YTHDC2: variants seen among roughly 807,000 people sequenced by gnomAD.
YTHDC2 encodes 3'-5' RNA helicase YTHDC2.
In YTHDC2, 45 loss-of-function variants were observed where a neutral mutation model predicts 174.9. The observed-to-expected ratio is 0.26, with a 90% CI of 0.20 to 0.33. The LOEUF (loss-of-function observed/expected upper bound fraction) is 0.33. Ranked by LOEUF, YTHDC2 falls within the 10% of genes least tolerant of loss-of-function variation. YTHDC2 has a pLI of 1.00. For synonymous variants in YTHDC2, 657 were observed against 574.5 expected (o/e 1.14, Z -2.05); for missense variants, 1,650 against 1,723.7 (o/e 0.96, Z 0.76).
intron 20 of YTHDC2, 105 bp downstream of exon 20, chr5:113,564,236 A>C (rs1223515399): frequency 3.1e-6 from 4 of 1,280,052 alleles, no homozygotes; most frequent in Non-Finnish European, 4.1e-6. Flanking sequence ...AAATTGCATT[A>C]ATTTTGTTTC....
chr5:113,560,970 A>T (rs1357864251), intron 17 of YTHDC2, 110 bp from the exon 18 acceptor site: 1 of 855,176 alleles, frequency 1.2e-6, no homozygotes, highest in Non-Finnish European at 1.7e-6. Context: ...ATTTAAACTC[A>T]GGTATCCTGA....
intron 1 of YTHDC2, among the ~76,000 whole-genome samples, chr5:113,514,617 C>A (rs1252646508): frequency 1.3e-5 from 2 of 152,142 alleles, no homozygotes; most frequent in Non-Finnish European, 2.9e-5. Context: ...GCAGAACCAG[C>A]AACTGACCTG....
intron 10 of YTHDC2, 27 bp downstream of exon 10, chr5:113,542,530 T>C (rs768197399): frequency 8.9e-6 from 14 of 1,579,148 alleles, no homozygotes; most frequent in Admixed American, 1.8e-5. Context: ...TTTAAAAAAT[T>C]ACCCTTACAG....
intron 23 of YTHDC2, among the ~76,000 whole-genome samples, chr5:113,569,156 G>A (rs149394699): frequency 1.7e-3 from 254 of 152,226 alleles, no homozygotes; most frequent in Non-Finnish European, 2.9e-3. Flanking sequence ...CTTTTGAAAA[G>A]TGTCTGTTCG....
At chr5:113,529,702 A>G (rs1045374375) in intron 4 of YTHDC2, among the ~76,000 whole-genome samples, 1 of 151,748 alleles carries the variant, frequency 6.6e-6, no homozygotes, top group African/African-American at 2.4e-5. Context: ...TTAATTTTTG[A>G]TTTATTTTTT....
chr5:113,560,983 C>G, intron 17 of YTHDC2, 97 bp from the exon 18 acceptor site: 1 of 1,028,926 alleles, frequency 9.7e-7, no homozygotes, highest in East Asian at 2.7e-5. Flanking sequence ...TATCCTGATC[C>G]TGGATCATTT....
chr5:113,541,139 CT>C (rs1441201028), intron 9 of YTHDC2, 23 bp downstream of exon 9: 10 of 1,612,692 alleles, frequency 6.2e-6, no homozygotes, highest in Non-Finnish European at 7.6e-6. Flanking sequence ...TGGTTTCCCA[CT>C]CATATTTTGT....
At chr5:113,541,601 C>T (rs560149912) in intron 9 of YTHDC2, among the ~76,000 whole-genome samples, 1 of 152,060 alleles carries the variant, frequency 6.6e-6, no homozygotes, top group Admixed American at 6.5e-5. Context: ...ATAATTTACC[C>T]TTTTTTTGAG....
At chr5:113,579,764 T>A (rs1778285380) in intron 24 of YTHDC2, 69 bp downstream of exon 24, 2 of 1,409,664 alleles carry the variant, frequency 1.4e-6, no homozygotes, top group South Asian at 1.7e-5. Context: ...TATAATATGA[T>A]AAAATTTTTT....
At chr5:113,552,049 A>G (rs1776283558) in intron 12 of YTHDC2, among the ~76,000 whole-genome samples, 1 of 152,140 alleles carries the variant, frequency 6.6e-6, no homozygotes, top group African/African-American at 2.4e-5. Flanking sequence ...TTAAGTTGGT[A>G]CCTACTGAGT....
chr5:113,531,155 A>G (rs1000914002), intron 4 of YTHDC2, among the ~76,000 whole-genome samples: 3 of 152,068 alleles, frequency 2.0e-5, no homozygotes, highest in African/African-American at 7.2e-5. Context: ...TGATACACTT[A>G]TCTTCTCTTT....
intron 24 of YTHDC2, among the ~76,000 whole-genome samples, chr5:113,581,075 T>C (rs1018899610): frequency 1.3e-5 from 2 of 152,180 alleles, no homozygotes; most frequent in African/African-American, 4.8e-5. Context: ...CTTCAGGACA[T>C]GATCATTTGG....
rs34053583 is a variant in YTHDC2, at chr5:113,553,157, C to CTTTTTTTTT, written c.1689-12_1689-4dup. 15 of 1,098,482 alleles carry CTTTTTTTTT rather than the reference C, an allele frequency of 1.4e-5. 1 individual carries two copies. Among genetic ancestry groups the CTTTTTTTTT allele is most frequent in the African/African-American group, 8.0e-5 (4 of 50,042 alleles). 68.0% of individuals were successfully genotyped at this position (1,098,482 alleles called of 1,614,324 possible). On this transcript the variant is annotated intron_variant, in intron 12 of 29. Transcript: ENST00000161863. ...TTTTGTTAATGGAAATTGACTTTGTCTTTTTTTTTTTTTTTTTTTTCAGTG... is the reference window on the plus strand; with the variant it reads ...TTTTGTTAATGGAAATTGACTTTGTCTTTTTTTTTTTTTTTTTTTTTTTTTTTTTCAGTG...
chr5:113,564,029 A>G lies in YTHDC2; in HGVS notation c.2613A>G (p.Val871=). Residue 871 remains valine (V), a synonymous_variant, in exon 20 of 30, where the codon GTA becomes GTG. Transcript: ENST00000161863. ...CACTAGCTTATCGAGATCCTTTTGT[A>G]CTACCTACTCAGGCCTCTCAAAAAC... The part of the protein sequence containing the change: ...ACTLAYRDPF[V]LPTQASQKRA... 6.2e-7 allele frequency: 1 copy of G among 1,614,112 alleles called. No individual in the cohort carries two copies. The highest frequency in any genetic ancestry group is 8.5e-7 in the Non-Finnish European group (1 of 1,180,018).
intron 17 of YTHDC2, among the ~76,000 whole-genome samples, chr5:113,557,395 C>T (rs917156637): frequency 1.2e-4 from 18 of 152,186 alleles, no homozygotes; most frequent in African/African-American, 3.9e-4. Flanking sequence ...TTTGTAACTT[C>T]ATAGAATGCC....
At chr5:113,549,131 A>ATT in intron 12 of YTHDC2, 111 bp downstream of exon 12, 1 of 897,574 alleles carries the variant, frequency 1.1e-6, no homozygotes, top group Non-Finnish European at 1.6e-6. Context: ...TTATCCAGAG[A>ATT]TTTTTTTTTG....
intron 10 of YTHDC2, among the ~76,000 whole-genome samples, chr5:113,543,636 C>G (rs1313169547): frequency 6.6e-6 from 1 of 152,216 alleles, no homozygotes; most frequent in African/African-American, 2.4e-5. Flanking sequence ...CTTGCTTGTT[C>G]TCAACTCTCG....
In YTHDC2 at chr5:113,553,377, A is replaced by G. The variant is rs766087604; in HGVS notation, c.1867+18A>G. On this transcript the variant is annotated intron_variant, in intron 13 of 29. Transcript: ENST00000161863. ...TGATGCTGGTAAATACGTGTTGTCT[A>G]AAAGAACTGGAGCAAAATATATACT... 3.8e-6 allele frequency: 6 copies of G among 1,579,242 alleles called. No homozygotes were observed. The highest frequency in any genetic ancestry group is 1.2e-5 in the South Asian group (1 of 84,540).
chr5:113,536,398 A>C (rs1181564858), intron 7 of YTHDC2, among the ~76,000 whole-genome samples: 1 of 152,174 alleles, frequency 6.6e-6, no homozygotes, highest in Non-Finnish European at 1.5e-5. Context: ...GGTGGCACGC[A>C]CTTGCAGTCC....
Sources: allele counts gnomAD v4.1 joint callset (sites outside exome capture counted in the v4.1 genomes callset), GRCh38; gene constraint gnomAD v4.1.1; transcripts MANE v1.5; gene names NCBI Gene and HGNC (gene_info 2026-07-23, HGNC 2026-07-21).